PTGER3: variants seen among roughly 807,000 people sequenced by gnomAD.
PTGER3 encodes prostaglandin E receptor 3.
In PTGER3, 22 loss-of-function variants were observed where a neutral mutation model predicts 34.7. That is an observed-to-expected ratio of 0.63 (90% CI 0.45 to 0.91). The LOEUF (loss-of-function observed/expected upper bound fraction) is 0.91, where lower values mean the gene tolerates loss of function less well. PTGER3 is among the 40% of genes least tolerant of loss of function. The pLI is 0.00. For missense variants in PTGER3, 468 were observed against 519.4 expected, an observed-to-expected ratio of 0.90 and a Z score of 0.96; for synonymous variants, 241 against 230.1, an observed-to-expected ratio of 1.05 and a Z score of -0.43.
downstream of PTGER3, among the ~76,000 whole-genome samples, chr1:70,969,587 G>C (rs1274439101): frequency 6.6e-6 from 1 of 152,124 alleles, no homozygotes; most frequent in Non-Finnish European, 1.5e-5. Flanking sequence ...TAACTTCAAA[G>C]TTGCAGACAG....
chr1:70,857,253 T>C (rs1238281075), intron 4 of PTGER3, among the ~76,000 whole-genome samples: 1 of 152,222 alleles, frequency 6.6e-6, no homozygotes, highest in East Asian at 1.9e-4. Flanking sequence ...TTCATTAATC[T>C]GAAAATGCAT....
intron 3 of PTGER3, chr1:70,953,629 T>C (rs946527769): frequency 3.8e-6 from 5 of 1,306,174 alleles, no homozygotes; most frequent in Non-Finnish European, 4.1e-6. Context: ...CTGGGATAGG[T>C]TCCTTCACAT....
At chr1:70,931,640 C>T (rs2100499506) in intron 4 of PTGER3, among the ~76,000 whole-genome samples, 1 of 152,312 alleles carries the variant, frequency 6.6e-6, no homozygotes, top group African/African-American at 2.4e-5. Context: ...GGGGCTTGCA[C>T]CAACTGAAAC....
Position 70,868,128 on chromosome 1 carries a change from C to T in PTGER3, c.*24-15269G>A, listed in dbSNP as rs191020160. Among the ~76,000 whole-genome samples, 10 of 152,160 alleles carry T rather than the reference C, an allele frequency of 6.6e-5. No homozygotes were observed. In the East Asian group the frequency reaches 1.9e-3, roughly 29 times the overall value. On this transcript the variant is annotated intron_variant, in intron 4 of 4. Coordinates refer to the PTGER3 transcript ENST00000370931. ...CAGGCTTTTGCATACACTGTCCCCA[C>T]TACCTCCAATCTGTGTACCTTCACC...
intron 2 of PTGER3, among the ~76,000 whole-genome samples, chr1:70,996,599 TA>T (rs1014203231): frequency 6.6e-6 from 1 of 151,276 alleles, no homozygotes; most frequent in Admixed American, 6.6e-5. Flanking sequence ...TAGCTGGGAC[TA>T]CAGGCGCCCG....
intron 4 of PTGER3, among the ~76,000 whole-genome samples, chr1:70,867,408 C>T (rs376486880): frequency 2.6e-5 from 4 of 152,178 alleles, no homozygotes; most frequent in African/African-American, 9.7e-5. Context: ...AAGAAATCTA[C>T]AGGCTGTTTA....
rs767794181 is a variant in PTGER3, at chr1:71,047,532, G to T, written c.46C>A (p.Arg16Ser). 6 of 1,583,374 alleles carry T rather than the reference G, an allele frequency of 3.8e-6. No individual in the cohort carries two copies. Among genetic ancestry groups the T allele is most frequent in the African/African-American group, 1.3e-5 (1 of 74,634 alleles). ...GYGGDAPFCT[R>S]LNHSYTGMWA... ...ATGCCTGTGTAGGAGTGGTTGAGGC[G>T]GGTGCAGAAGGGGGCATCCCCTCCG... Residue 16 changes from arginine (R) to serine (S), a missense_variant, in exon 1 of 4, where the codon CGC becomes AGC. Transcript: ENST00000306666.
chr1:70,981,408 C>T (rs28627505), intron 2 of PTGER3, among the ~76,000 whole-genome samples: 31 of 100,818 alleles, frequency 3.1e-4, no homozygotes, highest in African/African-American at 9.0e-4. Context: ...TCCTTCCTTC[C>T]TTCCTTCCTT....
At position 70,986,541 on chromosome 1, in the gene PTGER3, C is replaced by T. The variant is rs575077058; in HGVS notation, c.1078-12153G>A. 4.6e-5 allele frequency among the ~76,000 whole-genome samples: 7 copies of T among 152,300 alleles called. No homozygotes were observed. In the East Asian group the frequency reaches 1.4e-3, roughly 29 times the overall value. ...GGGTCAAGGAAGCAGGACCACAAGGCTAGAACATGTTGAGGAAACTGTTCC... is the reference window on the plus strand; with the variant it reads ...GGGTCAAGGAAGCAGGACCACAAGGTTAGAACATGTTGAGGAAACTGTTCC... On this transcript the variant is annotated intron_variant, in intron 2 of 3. Transcript: ENST00000306666.
At position 70,902,247 on chromosome 1, in the gene PTGER3, A is replaced by T. The variant is rs1646856383; in HGVS notation, c.*24-49388T>A. On this transcript the variant is annotated intron_variant, in intron 4 of 4. Transcript: ENST00000370931. ...AATTTACACCACTGAAAAGGCAATA[A>T]GACTCTACAGCTTTTATTTCAGCTG... 3.3e-5 allele frequency among the ~76,000 whole-genome samples: 5 copies of T among 152,230 alleles called. 1 individual carries two copies. The South Asian group carries it at 1.0e-3, about 32-fold the overall frequency.
At chr1:71,034,947 C>A (rs1364744510) in intron 1 of PTGER3, among the ~76,000 whole-genome samples, 1 of 152,090 alleles carries the variant, frequency 6.6e-6, no homozygotes, top group Non-Finnish European at 1.5e-5. Context: ...GACAAAAATG[C>A]CTATCTCATA....
chr1:70,894,715 C>T (rs909091730), intron 4 of PTGER3, among the ~76,000 whole-genome samples: 1 of 152,134 alleles, frequency 6.6e-6, no homozygotes, highest in African/African-American at 2.4e-5. Flanking sequence ...CTTGAAAGTC[C>T]TCTCCCCACT....
chr1:71,047,635 A>G lies in PTGER3; in HGVS notation c.-58T>C. 2 of 1,453,062 alleles carry G rather than the reference A, an allele frequency of 1.4e-6. No homozygotes were observed. Among genetic ancestry groups the G allele is most frequent in the South Asian group, 2.9e-5 (2 of 68,876 alleles). The allele number at this position is 1,453,062 out of a possible 1,614,324, so 90.0% of individuals were successfully genotyped here. ...AGAGAGCCGCAGCGGGAGGGGGCAG[A>G]CGCGGCGCGGGCGGCGGCGGAGGTC... On this transcript the variant is annotated 5_prime_UTR_variant, in exon 1 of 4. Transcript: ENST00000306666.
intron 4 of PTGER3, among the ~76,000 whole-genome samples, chr1:70,898,220 G>A (rs1646764017): frequency 6.6e-6 from 1 of 152,120 alleles, no homozygotes; most frequent in Admixed American, 6.5e-5. Flanking sequence ...GGGCAACCCA[G>A]GCCAATTCTA....
In PTGER3 at chr1:71,011,559, G is replaced by A. The variant is rs573815979; in HGVS notation, c.1077+746C>T. The A allele has an allele frequency of 4.8e-5, 47 of 984,878 alleles. No individual in the cohort carries two copies. In the South Asian group the frequency reaches 2.0e-3, roughly 41 times the overall value. The allele number at this position is 984,878 out of a possible 1,614,324, so 61.0% of individuals were successfully genotyped here. A position where few individuals can be genotyped will look rare whatever the true frequency, so the allele number is the denominator to read the frequency against. ...AAAAGAAAGAATAATTAGCAATTTGGGTAGTCACAAACTCCATATTTCAAA... is the reference window on the plus strand; with the variant it reads ...AAAAGAAAGAATAATTAGCAATTTGAGTAGTCACAAACTCCATATTTCAAA... On this transcript the variant is annotated intron_variant, in intron 2 of 3. Coordinates refer to ENST00000306666, the MANE Select transcript of PTGER3 (RefSeq NM_198719.2).
chr1:70,936,500 A>G (rs1377010409), intron 4 of PTGER3, among the ~76,000 whole-genome samples: 1 of 152,200 alleles, frequency 6.6e-6, no homozygotes, highest in Non-Finnish European at 1.5e-5. Context: ...CAAAAAGTGT[A>G]AAGTCTGGAT....
intron 4 of PTGER3, among the ~76,000 whole-genome samples, chr1:70,900,741 A>G (rs1397749550): frequency 6.6e-6 from 1 of 152,164 alleles, no homozygotes; most frequent in Non-Finnish European, 1.5e-5. Context: ...AGCCTTCTGT[A>G]GAGCACCCCC....
chr1:70,908,854 T>A (rs1038722762), intron 4 of PTGER3, among the ~76,000 whole-genome samples: 1 of 152,158 alleles, frequency 6.6e-6, no homozygotes, highest in African/African-American at 2.4e-5. Flanking sequence ...ATGTCATATC[T>A]CCCTTAATAC....
chr1:70,984,627 G>A (rs780790917), intron 2 of PTGER3, among the ~76,000 whole-genome samples: 3 of 151,618 alleles, frequency 2.0e-5, no homozygotes, highest in African/African-American at 4.9e-5. Context: ...GCTGAGGTGG[G>A]AGGATGAGAG....
Sources: gnomAD v4.1 joint callset for allele counts (sites outside exome capture counted in the v4.1 genomes callset) on GRCh38, gnomAD v4.1.1 for gene constraint, MANE v1.5 for transcripts, NCBI Gene and HGNC (gene_info 2026-07-23, HGNC 2026-07-21) for gene names.